The following NTAN1 variants were observed in gnomAD, a reference collection of about 807,000 sequenced individuals.
NTAN1 encodes the protein N-terminal asparagine amidase.
NTAN1 carries 32 observed loss-of-function variants against 41.9 expected under a neutral mutation model. The ratio of observed to expected loss-of-function variants is 0.76; its 90% confidence interval spans 0.58 to 1.03. The LOEUF (loss-of-function observed/expected upper bound fraction) is 1.03, where lower values mean the gene tolerates loss of function less well. NTAN1 is among the 50% of genes least tolerant of loss of function. NTAN1 has a pLI of 0.00. For missense variants in NTAN1, 377 were observed against 377.5 expected, an observed-to-expected ratio of 1.00 and a Z score of 0.01; for synonymous variants, 140 against 139.5, an observed-to-expected ratio of 1.00 and a Z score of -0.03.
intron 5 of NTAN1, among the ~76,000 whole-genome samples, chr16:15,042,079 G>C (rs558701196): frequency 6.6e-6 from 1 of 152,248 alleles, no homozygotes; most frequent in East Asian, 1.9e-4. Context: ...AGAACATAAG[G>C]AAGTCGGTTT....
chr16:15,044,460 G>A lies in NTAN1; in HGVS notation c.360-53C>T, dbSNP rs574412801. 103 of 1,147,094 alleles carry A rather than the reference G, an allele frequency of 9.0e-5. 1 individual carries two copies. Among genetic ancestry groups the A allele is most frequent in the Middle Eastern group, 4.0e-4 (2 of 4,966 alleles). 71.1% of individuals were successfully genotyped at this position (1,147,094 alleles called of 1,614,324 possible). ...GCCAGAAGAAGACACCGGTGCGTGCGCTGGTCTCACTTTGAACTTTCATTC... is the reference window on the plus strand; with the variant it reads ...GCCAGAAGAAGACACCGGTGCGTGCACTGGTCTCACTTTGAACTTTCATTC... On this transcript the variant is annotated intron_variant, in intron 4 of 9. Coordinates refer to ENST00000287706, the MANE Select transcript of NTAN1 (RefSeq NM_173474.4).
At chr16:15,040,247 G>C (rs1026248401) in intron 7 of NTAN1, 181 bp from the exon 8 acceptor site, 5 of 432,150 alleles carry the variant, frequency 1.2e-5, no homozygotes, top group Admixed American at 8.6e-5. Flanking sequence ...CAAGCATCTC[G>C]GTGAAAATCG....
intron 5 of NTAN1, among the ~76,000 whole-genome samples, chr16:15,042,756 G>C (rs577514889): frequency 1.2e-5 from 1 of 81,008 alleles, no homozygotes; most frequent in Admixed American, 1.6e-4. Flanking sequence ...TTATTGAGAC[G>C]AAGTCTCGCT....
At chr16:15,041,901 C>T (rs936165389) in intron 5 of NTAN1, among the ~76,000 whole-genome samples, 1 of 152,170 alleles carries the variant, frequency 6.6e-6, no homozygotes, top group African/African-American at 2.4e-5. Context: ...GCCTCAGGCC[C>T]GAAGGAGCCT....
intron 5 of NTAN1, among the ~76,000 whole-genome samples, chr16:15,043,524 A>AG (rs2043918339): frequency 6.6e-6 from 1 of 152,236 alleles, no homozygotes; most frequent in Non-Finnish European, 1.5e-5. Context: ...CCTGAGTGGC[A>AG]GAGTGAGGCC....
At chr16:15,042,086 G>A (rs16966952) in intron 5 of NTAN1, among the ~76,000 whole-genome samples, 44,556 of 151,968 alleles carry the variant, frequency 0.29, 7,138 homozygotes, top group Admixed American at 0.44. Context: ...AAGGAAGTCG[G>A]TTTTTAATGT....
At chr16:15,053,019 C>T (rs937508463) in intron 1 of NTAN1, among the ~76,000 whole-genome samples, 7 of 152,224 alleles carry the variant, frequency 4.6e-5, no homozygotes, top group Admixed American at 6.5e-5. Context: ...GGATGGCCAC[C>T]GTCTATATTC....
At chr16:15,053,572 T>C (rs2044378669) in intron 1 of NTAN1, among the ~76,000 whole-genome samples, 1 of 152,188 alleles carries the variant, frequency 6.6e-6, no homozygotes, top group Admixed American at 6.5e-5. Context: ...TTCTGTATTA[T>C]TATATTTTGC....
intron 4 of NTAN1, 183 bp from the exon 5 acceptor site, chr16:15,044,590 T>C (rs3803575): frequency 0.33 from 199,075 of 599,630 alleles, 34,457 homozygotes; most frequent in Admixed American, 0.48. Context: ...GGCGAGCTTC[T>C]GGGGACCCTG....
chr16:15,045,317 G>A (rs750817266), intron 4 of NTAN1: 1 of 150,840 alleles, frequency 6.6e-6, no homozygotes, highest in African/African-American at 2.4e-5. Context: ...AAATAAATAA[G>A]TAAGTTGGGC....
rs758223214 is a variant in NTAN1, at chr16:15,047,906, G to T, written c.199C>A (p.Leu67Met). 40 of 1,613,386 alleles carry T rather than the reference G, an allele frequency of 2.5e-5. No individual in the cohort carries two copies. Among genetic ancestry groups the T allele is most frequent in the South Asian group, 1.1e-5 (1 of 91,086 alleles). The change falls in exon 3 of 10, where the codon CTG becomes ATG. Residue 67 changes from leucine (L) to methionine (M), a missense_variant. Coordinates refer to ENST00000287706, the MANE Select transcript of NTAN1 (RefSeq NM_173474.4). The part of the protein sequence containing the change: ...TSPKDGSISI[L>M]GSDDATTCHI... ...CAAGTAGTGGCATCATCAGAACCCA[G>T]AATGGAGATGGAGCCTGTTTAAAAA...
intron 4 of NTAN1, 78 bp downstream of exon 4, chr16:15,047,364 T>C: frequency 2.1e-6 from 2 of 955,640 alleles, no homozygotes; most frequent in Non-Finnish European, 3.4e-6. Flanking sequence ...TGTGTTCCCC[T>C]AACAGCTTCC....
At chr16:15,044,583 G>T in intron 4 of NTAN1, 176 bp from the exon 5 acceptor site, 1 of 606,244 alleles carries the variant, frequency 1.6e-6, no homozygotes, top group Non-Finnish European at 2.9e-6. Flanking sequence ...GGCCAGTGGC[G>T]AGCTTCTGGG....
chr16:15,040,138 C>G, intron 7 of NTAN1, 72 bp from the exon 8 acceptor site: 1 of 782,352 alleles, frequency 1.3e-6, no homozygotes, highest in Non-Finnish European at 2.2e-6. Context: ...TCTTACATTT[C>G]TACCACCACT....
At chr16:15,040,334 T>A in intron 7 of NTAN1, 1 of 391,002 alleles carries the variant, frequency 2.6e-6, no homozygotes, top group Non-Finnish European at 4.5e-6. Flanking sequence ...AGCCATTCCT[T>A]CAGTCGGACA....
chr16:15,048,141 T>C, intron 1 of NTAN1, 42 bp from the exon 2 acceptor site: 1 of 1,397,616 alleles, frequency 7.2e-7, no homozygotes, highest in Non-Finnish European at 1.0e-6. Flanking sequence ...TGTAAATTAG[T>C]GAGGATGGAA....
At position 15,038,616 on chromosome 16, in the gene NTAN1, A is replaced by G. The variant is rs1357654894; in HGVS notation, c.711T>C (p.His237=). 5 of 1,609,018 alleles carry G rather than the reference A, an allele frequency of 3.1e-6. No individual in the cohort carries two copies. The highest frequency in any genetic ancestry group is 3.4e-6 in the Non-Finnish European group (4 of 1,175,582). The part of the protein sequence containing the change: ...IGPYSWTPFP[H]VDFWLHQDDK... ...CATCTTGGTGCAACCAGAAATCCAC[A>G]TGTGGAAATGGTGTCCAGGAGTACG... is the stretch of plus-strand genomic sequence containing the variant. The change falls in exon 9 of 10, where the codon CAT becomes CAC. Residue 237 remains histidine (H), a synonymous_variant. Transcript: ENST00000287706.
intron 1 of NTAN1, 39 bp from the exon 2 acceptor site, chr16:15,048,138 TAGTG>T: frequency 7.1e-7 from 1 of 1,403,072 alleles, no homozygotes; most frequent in Non-Finnish European, 1.0e-6. Context: ...TGATGTAAAT[TAGTG>T]AGGATGGAAA....
At chr16:15,050,911 A>G (rs1479756184) in intron 1 of NTAN1, among the ~76,000 whole-genome samples, 2 of 152,244 alleles carry the variant, frequency 1.3e-5, no homozygotes, top group South Asian at 2.1e-4. Context: ...AATGAACTGC[A>G]GTGTAAAATT....
Sources: gnomAD v4.1 joint callset for allele counts (sites outside exome capture counted in the v4.1 genomes callset) on GRCh38, gnomAD v4.1.1 for gene constraint, MANE v1.5 for transcripts, NCBI Gene and HGNC (gene_info 2026-07-23, HGNC 2026-07-21) for gene names.